Variants in PIK3C2G observed in about 807,000 individuals in gnomAD.
PIK3C2G encodes the protein phosphatidylinositol 3-kinase C2 domain-containing subunit gamma.
In PIK3C2G, 168 loss-of-function variants were observed where a neutral mutation model predicts 181.1. The observed-to-expected ratio is 0.93, with a 90% CI of 0.82 to 1.05. The LOEUF (loss-of-function observed/expected upper bound fraction) is 1.05, where lower values mean the gene tolerates loss of function less well. Ranked by LOEUF, PIK3C2G falls within the 50% of genes least tolerant of loss-of-function variation. The probability of loss-of-function intolerance (pLI) is 0.00; values close to 1 mark genes in which losing one functional copy is unlikely to be tolerated. For synonymous variants in PIK3C2G, 573 were observed against 592.2 expected, an observed-to-expected ratio of 0.97 and a Z score of 0.47; for missense variants, 1,869 against 1,732.8, an observed-to-expected ratio of 1.08 and a Z score of -1.40.
Position 18,538,164 on chromosome 12 carries a change from C to T in PIK3C2G, c.3332C>T (p.Ala1111Val). Residue 1111 changes from alanine to valine, a missense_variant, in exon 25 of 33, where the codon GCT (alanine) becomes GTT (valine). Physicochemically the swap from Ala to Val is moderately conservative, Grantham distance 64. Transcript: ENST00000538779. Reference protein sequence around the residue: ...QTFGGIKRDRAPFIFTSEMEY... With the variant: ...QTFGGIKRDRVPFIFTSEMEY... Reference sequence around the variant, plus strand: ...CTGTTTTTGGTTTACAGGGACCGAGCTCCTTTCATTTTTACTTCAGAGATG... The same window carrying T: ...CTGTTTTTGGTTTACAGGGACCGAGTTCCTTTCATTTTTACTTCAGAGATG... The T allele has an allele frequency of 6.2e-7, 1 of 1,610,784 alleles. No individual in the cohort carries two copies. The highest frequency in any genetic ancestry group is 8.5e-7 in the Non-Finnish European group (1 of 1,178,364).
chr12:18,484,789 C>A (rs886502727), intron 18 of PIK3C2G, among the ~76,000 whole-genome samples: 4 of 152,108 alleles, frequency 2.6e-5, no homozygotes, highest in African/African-American at 9.7e-5. Context: ...TTTTCATTTC[C>A]TAGCCACACT....
intron 24 of PIK3C2G, among the ~76,000 whole-genome samples, chr12:18,524,898 T>C (rs372973379): frequency 6.7e-5 from 10 of 149,138 alleles, no homozygotes; most frequent in Middle Eastern, 3.5e-3. Flanking sequence ...AAAAAACAGA[T>C]TTTTTTTTGA....
At chr12:18,704,832 T>C in the PIK3C2G span, among the ~76,000 whole-genome samples, 10 of 152,198 alleles carry the variant, frequency 6.6e-5, no homozygotes, top group African/African-American at 2.4e-4. Flanking sequence ...CTATTTATAG[T>C]CTAGAACTTT....
At chr12:18,330,602 G>C (rs1434126844) in intron 8 of PIK3C2G, among the ~76,000 whole-genome samples, 1 of 152,074 alleles carries the variant, frequency 6.6e-6, no homozygotes, top group African/African-American at 2.4e-5. Context: ...GCTGTCAGGT[G>C]CCTGTTCAAA....
At chr12:18,709,882 G>A in the PIK3C2G span, among the ~76,000 whole-genome samples, 22 of 151,706 alleles carry the variant, frequency 1.5e-4, no homozygotes, top group African/African-American at 4.8e-4. Flanking sequence ...TCACTTCCTT[G>A]GTTAAATTTA....
intron 7 of PIK3C2G, among the ~76,000 whole-genome samples, chr12:18,321,448 C>A (rs1005433702): frequency 3.9e-5 from 6 of 152,168 alleles, no homozygotes; most frequent in African/African-American, 1.4e-4. Flanking sequence ...AGTGTAAATT[C>A]AAATTGGAAA....
intron 18 of PIK3C2G, among the ~76,000 whole-genome samples, chr12:18,468,359 C>T (rs1938122678): frequency 6.6e-6 from 1 of 152,032 alleles, no homozygotes; most frequent in African/African-American, 2.4e-5. Flanking sequence ...TGGCCACCCT[C>T]TTGCAAGGAC....
chr12:18,719,166 C>T, the PIK3C2G span, among the ~76,000 whole-genome samples: 1 of 152,024 alleles, frequency 6.6e-6, no homozygotes, highest in Non-Finnish European at 1.5e-5. Flanking sequence ...CAGCAAACTT[C>T]GGAGGGGCCA....
At chr12:18,358,164 T>C (rs570186103) in intron 11 of PIK3C2G, among the ~76,000 whole-genome samples, 44 of 152,330 alleles carry the variant, frequency 2.9e-4, no homozygotes, top group African/African-American at 1.0e-3. Context: ...TATTCTGTAT[T>C]CCACTTTTTT....
Position 18,261,582 on chromosome 12 carries a change from G to T in PIK3C2G, c.-79+5G>T, listed in dbSNP as rs527680475. ...TCAGGAAGATATATGCGTCAGGTAA[G>T]AAACTAAAACAAATAAACTTCCTAT... On this transcript the variant is annotated splice_donor_5th_base_variant and intron_variant, in intron 1 of 32. Transcript: ENST00000538779. The T allele has an allele frequency of 1.3e-5, 2 of 152,150 alleles. No homozygotes were observed. Among genetic ancestry groups the T allele is most frequent in the East Asian group, 3.9e-4 (2 of 5,176 alleles). 9.4% of individuals were successfully genotyped at this position (152,150 alleles called of 1,614,324 possible). A position where few individuals can be genotyped will look rare whatever the true frequency, so the allele number is the denominator to read the frequency against.
intron 1 of PIK3C2G, among the ~76,000 whole-genome samples, chr12:18,280,812 A>G (rs1949180646): frequency 6.6e-6 from 1 of 152,080 alleles, no homozygotes; most frequent in Non-Finnish European, 1.5e-5. Context: ...CAATATTTCA[A>G]GTGAAAATAT....
chr12:18,601,488 G>C (rs1239745334), intron 30 of PIK3C2G, among the ~76,000 whole-genome samples: 1 of 152,062 alleles, frequency 6.6e-6, no homozygotes, highest in Non-Finnish European at 1.5e-5. Context: ...AAGGAGAGAT[G>C]GAGAGAGATT....
chr12:18,250,999 A>C (rs1427087946), intron 1 of PIK3C2G, among the ~76,000 whole-genome samples: 3 of 152,012 alleles, frequency 2.0e-5, no homozygotes, highest in Non-Finnish European at 4.4e-5. Flanking sequence ...TGAGGATTTA[A>C]TAAGTGTATG....
intron 18 of PIK3C2G, among the ~76,000 whole-genome samples, chr12:18,455,953 T>C (rs1592304690): frequency 6.6e-6 from 1 of 152,126 alleles, no homozygotes; most frequent in Admixed American, 6.6e-5. Context: ...TCAATGACAT[T>C]CGCCTTATGC....
chr12:18,602,830 A>G (rs1275848365), intron 30 of PIK3C2G, among the ~76,000 whole-genome samples: 2 of 152,202 alleles, frequency 1.3e-5, no homozygotes, highest in Admixed American at 6.5e-5. Context: ...GGGGGAGAGT[A>G]CTACATCAAG....
chr12:18,329,323 CTT>C lies in PIK3C2G; in HGVS notation c.1272+4226_1272+4227del, dbSNP rs528954873. On this transcript the variant is annotated intron_variant, in intron 8 of 32. Coordinates refer to ENST00000538779, the MANE Select transcript of PIK3C2G (RefSeq NM_001288772.2). ...AAAGAATAATAATAGAAAACCCACT[CTT>C]ATTAATAAATTAAGGAACAAAATAT... 6.7e-3 allele frequency among the ~76,000 whole-genome samples: 1,013 copies of C among 151,960 alleles called. 11 individuals carry two copies. Among genetic ancestry groups the C allele is most frequent in the African/African-American group, 0.023 (972 of 41,518 alleles).
the PIK3C2G span, among the ~76,000 whole-genome samples, chr12:18,724,962 A>G: frequency 6.6e-6 from 1 of 152,140 alleles, no homozygotes; most frequent in South Asian, 2.1e-4. Context: ...GTCATCCGAA[A>G]TGTTCTCTGA....
At chr12:18,559,821 T>TATATATATATAGAG (rs1945244509) in intron 26 of PIK3C2G, among the ~76,000 whole-genome samples, 3 of 18,372 alleles carry the variant, frequency 1.6e-4, no homozygotes, top group African/African-American at 2.0e-4. Context: ...TATATATATA[T>TATATATATATAGAG]AGAGAGAGAG....
At chr12:18,445,474 G>T (rs932849381) in intron 18 of PIK3C2G, among the ~76,000 whole-genome samples, 4 of 151,714 alleles carry the variant, frequency 2.6e-5, no homozygotes, top group Non-Finnish European at 5.9e-5. Context: ...AAACAGAATC[G>T]CAAATTGAAG....
Sources: gnomAD v4.1 joint callset for allele counts (sites outside exome capture counted in the v4.1 genomes callset) on GRCh38, gnomAD v4.1.1 for gene constraint, MANE v1.5 for transcripts, NCBI Gene and HGNC (gene_info 2026-07-23, HGNC 2026-07-21) for gene names.